The following RYR2 variants were observed in gnomAD, a reference collection of about 807,000 sequenced individuals.
RYR2 encodes cardiac muscle ryanodine receptor-calcium release channel.
Under a neutral mutation model 601.1 loss-of-function variants are expected in RYR2, and 227 were observed. The ratio of observed to expected loss-of-function variants is 0.38; its 90% CI spans 0.34 to 0.42. The LOEUF (loss-of-function observed/expected upper bound fraction) is 0.42, where lower values mean the gene tolerates loss of function less well. Among genes scored for constraint, RYR2 ranks in the 10% least tolerant of loss-of-function variants. The probability of loss-of-function intolerance (pLI) is 1.00; values close to 1 mark genes in which losing one functional copy is unlikely to be tolerated. For synonymous variants in RYR2, 2,223 were observed against 2,175.1 expected (o/e 1.02, Z -0.61); for missense variants, 4,646 against 6,156.5 (o/e 0.75, Z 8.21).
chr1:237,074,885 T>A (rs1294472450), intron 1 of RYR2, among the ~76,000 whole-genome samples: 1 of 152,162 alleles, frequency 6.6e-6, no homozygotes, highest in Non-Finnish European at 1.5e-5. Context: ...GGTTGATGAG[T>A]CACCGATTTT....
chr1:237,628,300 A>G (rs1679889398), intron 41 of RYR2, among the ~76,000 whole-genome samples: 1 of 151,894 alleles, frequency 6.6e-6, no homozygotes, highest in African/African-American at 2.4e-5. Context: ...TACATGTGCC[A>G]TGCTGGTGCG....
chr1:237,565,375 T>C (rs954544496), intron 27 of RYR2, among the ~76,000 whole-genome samples: 2 of 151,914 alleles, frequency 1.3e-5, no homozygotes, highest in African/African-American at 4.8e-5. Context: ...AAGTGATCCT[T>C]CTGTATCAGC....
At chr1:237,803,520 T>C (rs1240627560) in intron 98 of RYR2, among the ~76,000 whole-genome samples, 2 of 152,200 alleles carry the variant, frequency 1.3e-5, no homozygotes, top group South Asian at 2.1e-4. Context: ...CAGGATGGTC[T>C]CGATCTCCTG....
intron 57 of RYR2, 118 bp downstream of exon 57, chr1:237,666,707 G>A (rs1460452607): frequency 1.3e-6 from 1 of 773,048 alleles, no homozygotes; most frequent in Non-Finnish European, 2.1e-6. Context: ...ATCTATAATG[G>A]ATCCATGGAA....
chr1:237,783,602 TAC>T (rs1446758597), intron 89 of RYR2, 71 bp from the exon 90 acceptor site: 1 of 864,936 alleles, frequency 1.2e-6, no homozygotes, highest in Non-Finnish European at 1.8e-6. Flanking sequence ...ATTAAAGATC[TAC>T]ATTGTTATCT....
chr1:237,279,447 C>T (rs1301200786), intron 2 of RYR2, among the ~76,000 whole-genome samples: 1 of 152,134 alleles, frequency 6.6e-6, no homozygotes, highest in African/African-American at 2.4e-5. Flanking sequence ...CACTGTACTC[C>T]AGCCTAGGCA....
intron 4 of RYR2, among the ~76,000 whole-genome samples, chr1:237,360,133 C>T (rs916429887): frequency 6.6e-6 from 1 of 152,138 alleles, no homozygotes; most frequent in Non-Finnish European, 1.5e-5. Flanking sequence ...TGAGAACCTG[C>T]GAAATGCTTT....
intron 79 of RYR2, among the ~76,000 whole-genome samples, chr1:237,735,610 A>G (rs1222362196): frequency 1.3e-5 from 2 of 152,182 alleles, no homozygotes; most frequent in Non-Finnish European, 2.9e-5. Flanking sequence ...CGGTACAGTC[A>G]TCTCTCAGTA....
At chr1:237,446,113 C>T (rs1486323838) in intron 14 of RYR2, among the ~76,000 whole-genome samples, 2 of 152,146 alleles carry the variant, frequency 1.3e-5, no homozygotes, top group East Asian at 3.9e-4. Flanking sequence ...CCGTGCCCAG[C>T]CTAGTTCCTT....
chr1:237,057,464 C>T (rs888064217), intron 1 of RYR2, among the ~76,000 whole-genome samples: 2 of 152,252 alleles, frequency 1.3e-5, no homozygotes, highest in Admixed American at 6.5e-5. Context: ...GGATTATAGG[C>T]GTGAGCCACC....
At chr1:237,065,409 A>G (rs1663470192) in intron 1 of RYR2, among the ~76,000 whole-genome samples, 1 of 150,694 alleles carries the variant, frequency 6.6e-6, no homozygotes, top group African/African-American at 2.4e-5. Context: ...CCTCCTGAGT[A>G]GCTGGGATTA....
chr1:237,481,985 C>T (rs1397600553), intron 17 of RYR2, among the ~76,000 whole-genome samples: 1 of 152,000 alleles, frequency 6.6e-6, no homozygotes, highest in Non-Finnish European at 1.5e-5. Flanking sequence ...ACCAGGGGTG[C>T]TTTATGCTTT....
intron 66 of RYR2, among the ~76,000 whole-genome samples, 162 bp downstream of exon 66, chr1:237,702,221 A>G (rs1382099719): frequency 1.3e-5 from 2 of 152,202 alleles, no homozygotes; most frequent in African/African-American, 4.8e-5. Flanking sequence ...TAAACAAAAT[A>G]AGAATTGATA....
At chr1:237,186,000 C>T (rs943403494) in intron 1 of RYR2, among the ~76,000 whole-genome samples, 1 of 152,150 alleles carries the variant, frequency 6.6e-6, no homozygotes, top group Non-Finnish European at 1.5e-5. Flanking sequence ...ATCCCTAGGT[C>T]TTAGGCCCCT....
chr1:237,586,759 G>A (rs985626138), intron 29 of RYR2, among the ~76,000 whole-genome samples: 6 of 150,990 alleles, frequency 4.0e-5, no homozygotes, highest in East Asian at 1.9e-4. Flanking sequence ...TTGCTCTGTC[G>A]CCCAGGCTGG....
At chr1:237,382,743 AAAT>A (rs751578499) in intron 8 of RYR2, among the ~76,000 whole-genome samples, 10 of 152,146 alleles carry the variant, frequency 6.6e-5, no homozygotes, top group Non-Finnish European at 1.0e-4. Context: ...AGTTGTGTGA[AAAT>A]AATGATAAAA....
chr1:237,484,134 G>A (rs977992652), intron 17 of RYR2, among the ~76,000 whole-genome samples: 3 of 152,082 alleles, frequency 2.0e-5, no homozygotes, highest in Admixed American at 6.5e-5. Context: ...TTTTCAGGTG[G>A]GGCCAGGTGC....
intron 1 of RYR2, among the ~76,000 whole-genome samples, chr1:237,101,103 ATCCTAATGGCTCT>A (rs1668043235): frequency 6.6e-6 from 1 of 152,030 alleles, no homozygotes; most frequent in Non-Finnish European, 1.5e-5. Flanking sequence ...CATCTCCCAC[ATCCTAATGGCTCT>A]GCTGTCTCAG....
intron 1 of RYR2, chr1:237,267,578 C>A: frequency 6.6e-6 from 2 of 300,822 alleles, no homozygotes; most frequent in South Asian, 2.4e-5. Context: ...TCTTAGGATC[C>A]ATATATTTTC....
Sources: allele counts gnomAD v4.1 joint callset (sites outside exome capture counted in the v4.1 genomes callset), GRCh38; gene constraint gnomAD v4.1.1; transcripts MANE v1.5; gene names NCBI Gene and HGNC (gene_info 2026-07-23, HGNC 2026-07-21).